The following TBL1X variants were observed in gnomAD, a reference collection of about 807,000 sequenced individuals.
TBL1X encodes the protein F-box-like/WD repeat-containing protein TBL1X.
A neutral mutation model predicts 50.7 loss-of-function variants in TBL1X; 10 were observed. That is an observed-to-expected ratio of 0.20 (90% CI 0.12 to 0.33). The LOEUF (loss-of-function observed/expected upper bound fraction) is 0.33, where lower values mean the gene tolerates loss of function less well. Among genes scored for constraint, TBL1X ranks in the 10% least tolerant of loss-of-function variants. TBL1X has a pLI of 1.00. For synonymous variants in TBL1X, 190 were observed against 214.7 expected (o/e 0.88, Z 1.01); for missense variants, 340 against 504.4 (o/e 0.67, Z 3.12).
chrX:9,605,773 G>C (rs1466504832), intron 2 of TBL1X, among the ~76,000 whole-genome samples: 1 of 112,441 alleles, frequency 8.9e-6, no homozygotes, highest in Non-Finnish European at 1.9e-5. Context: ...CTGTGTGCTA[G>C]GGCTTTTGTT....
At chrX:9,482,465 G>A (rs1049411937) in intron 1 of TBL1X, among the ~76,000 whole-genome samples, 7 of 111,884 alleles carry the variant, frequency 6.3e-5, no homozygotes, top group African/African-American at 2.3e-4. Flanking sequence ...AAAGATATGG[G>A]ACAATATATT....
chrX:9,612,078 A>G (rs1183062516), intron 2 of TBL1X, among the ~76,000 whole-genome samples: 1 of 113,001 alleles, frequency 8.8e-6, no homozygotes, highest in Non-Finnish European at 1.9e-5. Flanking sequence ...CACAGAACCT[A>G]CAGTAATTCA....
chrX:9,630,913 G>A (rs779155031), intron 2 of TBL1X, among the ~76,000 whole-genome samples: 12 of 111,912 alleles, frequency 1.1e-4, no homozygotes, highest in South Asian at 3.7e-4. Context: ...AGAACTTGTG[G>A]ATACAGAGGG....
chrX:9,685,717 C>CTTTTTTTTTT (rs752837096), intron 6 of TBL1X, among the ~76,000 whole-genome samples: 11 of 59,616 alleles, frequency 1.8e-4, no homozygotes, highest in South Asian at 1.4e-3. Context: ...CTTTTCTTTT[C>CTTTTTTTTTT]TTTTTTTTTT....
chrX:9,611,823 C>T (rs962783997), intron 2 of TBL1X, among the ~76,000 whole-genome samples: 3 of 111,763 alleles, frequency 2.7e-5, no homozygotes, highest in East Asian at 2.8e-4. Context: ...GGTGTTGGCA[C>T]GGCCATCCCC....
In TBL1X at chrX:9,716,229, T is replaced by G; in HGVS notation, c.1717T>G (p.Leu573Val). 8.3e-7 allele frequency: 1 copy of G among 1,210,679 alleles called. No homozygotes were observed. The highest frequency in any genetic ancestry group is 1.1e-6 in the Non-Finnish European group (1 of 894,740). The change falls in exon 18 of 18, where the codon TTG becomes GTG. Residue 573 changes from leucine (L) to valine (V), a missense_variant. This residue lies in a region of TBL1X where 170 missense variants were observed against 272.6 expected (regional missense o/e 0.62). Transcript: ENST00000645353. ...TTATCTTTCCTTCCAGGTGTGTGTT[T>G]TGGATCTGCGGAAGTAACCACAAAA... Reference protein sequence around the residue: ...ASASDGSVCVLDLRK With the variant: ...ASASDGSVCVVDLRK
At chrX:9,486,017 A>G (rs2081910549) in intron 1 of TBL1X, among the ~76,000 whole-genome samples, 1 of 111,213 alleles carries the variant, frequency 9.0e-6, no homozygotes, top group Admixed American at 9.6e-5. Flanking sequence ...AAACTGGTTC[A>G]GGGCATGACA....
At chrX:9,551,361 C>T (rs933529053) in intron 2 of TBL1X, among the ~76,000 whole-genome samples, 1 of 110,266 alleles carries the variant, frequency 9.1e-6, no homozygotes, top group Non-Finnish European at 1.9e-5. Flanking sequence ...CTAGGTGAGG[C>T]GGCGAACACG....
chrX:9,714,983 G>A lies in TBL1X; in HGVS notation c.1687G>A (p.Ala563Thr). ...CWNARGDKVG[A>T]SASDGSVCVL... is the part of the protein sequence containing the mutation. ...GAACGCCCGAGGAGACAAAGTGGGTGCCAGCGCGTCCGACGGCTCTGTAAG... is the reference window on the plus strand; with the variant it reads ...GAACGCCCGAGGAGACAAAGTGGGTACCAGCGCGTCCGACGGCTCTGTAAG... The change falls in exon 17 of 18, where the codon GCC becomes ACC. Residue 563 changes from alanine (A) to threonine (T), a missense_variant. Around this residue, in one of 6 missense-constraint regions of TBL1X, gnomAD observed 170 missense variants for 272.6 expected, o/e 0.62. Transcript: ENST00000645353. The A allele has an allele frequency of 1.7e-6, 2 of 1,211,097 alleles. No homozygotes were observed. Among genetic ancestry groups the A allele is most frequent in the Non-Finnish European group, 2.2e-6 (2 of 895,181 alleles).
At chrX:9,595,940 T>G (rs1354678733) in intron 2 of TBL1X, among the ~76,000 whole-genome samples, 1 of 112,389 alleles carries the variant, frequency 8.9e-6, no homozygotes, top group Non-Finnish European at 1.9e-5. Context: ...TTTGTTTTCA[T>G]GTTTAAATTG....
At chrX:9,638,924 C>T (rs917329803) in intron 2 of TBL1X, among the ~76,000 whole-genome samples, 6 of 111,416 alleles carry the variant, frequency 5.4e-5, no homozygotes, top group Non-Finnish European at 1.1e-4. Context: ...AGATTTTTTT[C>T]ATAGTTAAAA....
intron 15 of TBL1X, among the ~76,000 whole-genome samples, chrX:9,711,020 A>C (rs905503217): frequency 8.9e-6 from 1 of 112,117 alleles, no homozygotes; most frequent in Non-Finnish European, 1.9e-5. Flanking sequence ...TATTCTACAA[A>C]AATATTTACC....
At chrX:9,486,544 C>G (rs914632919) in intron 1 of TBL1X, among the ~76,000 whole-genome samples, 1 of 110,416 alleles carries the variant, frequency 9.1e-6, no homozygotes, top group African/African-American at 3.3e-5. Flanking sequence ...GATAATAACT[C>G]TTTCAACCAG....
chrX:9,622,410 C>G (rs1472464070), intron 2 of TBL1X, among the ~76,000 whole-genome samples: 1 of 111,313 alleles, frequency 9.0e-6, no homozygotes, highest in African/African-American at 3.3e-5. Flanking sequence ...GCATATTTCA[C>G]TTAGTGTAGC....
intron 14 of TBL1X, 107 bp downstream of exon 14, chrX:9,709,429 C>A: frequency 1.0e-6 from 1 of 982,548 alleles, no homozygotes. Context: ...TTACTGACCA[C>A]CCTCCCTTCC....
At chrX:9,553,914 C>T (rs984601660) in intron 2 of TBL1X, among the ~76,000 whole-genome samples, 4 of 112,090 alleles carry the variant, frequency 3.6e-5, no homozygotes, top group African/African-American at 1.3e-4. Flanking sequence ...AGAAGCTGTA[C>T]AAGTGGGCAG....
chrX:9,491,628 G>A (rs769809242), intron 1 of TBL1X, among the ~76,000 whole-genome samples: 2 of 109,997 alleles, frequency 1.8e-5, no homozygotes, highest in Admixed American at 9.8e-5. Context: ...TGTGAGTTGC[G>A]CTCTGTGGTT....
chrX:9,688,923 A>G (rs1433452230), intron 7 of TBL1X, among the ~76,000 whole-genome samples: 4 of 113,730 alleles, frequency 3.5e-5, no homozygotes, highest in Admixed American at 2.8e-4. Context: ...ACAGGTATGC[A>G]TGGGTGCATA....
chrX:9,691,478 A>G (rs2083097335), intron 7 of TBL1X, 101 bp from the exon 8 acceptor site: 1 of 830,005 alleles, frequency 1.2e-6, no homozygotes, highest in Non-Finnish European at 1.7e-6. Flanking sequence ...CAGAGGTAGT[A>G]TTTAGTACAT....
Sources: allele counts gnomAD v4.1 joint callset (sites outside exome capture counted in the v4.1 genomes callset), GRCh38; gene constraint gnomAD v4.1.1; regional missense constraint gnomAD v4.1.1; transcripts MANE v1.5; gene names NCBI Gene and HGNC (gene_info 2026-07-23, HGNC 2026-07-21).